BCAR3: variants seen among roughly 807,000 people sequenced by gnomAD.
BCAR3 encodes BCAR3 adaptor protein, NSP family member, also known as breast cancer anti-estrogen resistance protein 3.
Under a neutral mutation model 80.1 loss-of-function variants are expected in BCAR3, and 37 were observed. The observed-to-expected ratio is 0.46, with a 90% CI of 0.36 to 0.61. BCAR3 has a LOEUF of 0.61. Among genes scored for constraint, BCAR3 ranks in the 20% least tolerant of loss-of-function variants. The pLI, the probability that BCAR3 is intolerant of heterozygous loss-of-function variation, is 0.00. For missense variants in BCAR3, 978 were observed against 1,068.2 expected, an observed-to-expected ratio of 0.92 and a Z score of 1.18; for synonymous variants, 389 against 418.9, an observed-to-expected ratio of 0.93 and a Z score of 0.87.
At chr1:93,614,037 C>A in intron 3 of BCAR3, 1 of 1,475,254 alleles carries the variant, frequency 6.8e-7, no homozygotes, top group South Asian at 1.4e-5. Context: ...CTGTTTCTGC[C>A]CAGAAGTCAG....
intron 2 of BCAR3, among the ~76,000 whole-genome samples, chr1:93,715,629 C>G (rs1557663927): frequency 6.6e-6 from 1 of 152,166 alleles, no homozygotes; most frequent in Non-Finnish European, 1.5e-5. Flanking sequence ...TCAGAGCTGG[C>G]CCACAGCAGA....
intron 2 of BCAR3, among the ~76,000 whole-genome samples, chr1:93,651,862 C>G (rs960091549): frequency 6.6e-6 from 1 of 152,156 alleles, no homozygotes; most frequent in Non-Finnish European, 1.5e-5. Flanking sequence ...GGATGCCTCC[C>G]AAGCCCGTGT....
intron 2 of BCAR3, among the ~76,000 whole-genome samples, chr1:93,800,901 T>C (rs1653455147): frequency 6.6e-6 from 1 of 152,230 alleles, no homozygotes; most frequent in Non-Finnish European, 1.5e-5. Context: ...TGAGTATATA[T>C]CCCTATCATT....
At chr1:93,798,691 C>T (rs936391732) in intron 2 of BCAR3, among the ~76,000 whole-genome samples, 10 of 152,186 alleles carry the variant, frequency 6.6e-5, no homozygotes, top group African/African-American at 2.4e-4. Flanking sequence ...AAATTGCTCT[C>T]TATGATGTCT....
At chr1:93,749,601 A>AG (rs1352562104) in intron 2 of BCAR3, among the ~76,000 whole-genome samples, 3 of 151,894 alleles carry the variant, frequency 2.0e-5, no homozygotes, top group African/African-American at 7.2e-5. Flanking sequence ...AAAAAAAAAA[A>AG]AAAGAAAAGA....
At chr1:93,709,016 G>A (rs939230544) in intron 2 of BCAR3, among the ~76,000 whole-genome samples, 1 of 152,102 alleles carries the variant, frequency 6.6e-6, no homozygotes, top group Admixed American at 6.5e-5. Context: ...TTGCACATGT[G>A]AAGAGGCCAA....
chr1:93,674,855 C>A lies in BCAR3; in HGVS notation c.76G>T (p.Asp26Tyr). The A allele has an allele frequency of 6.3e-7, 1 of 1,599,840 alleles. No individual in the cohort carries two copies. Among genetic ancestry groups the A allele is most frequent in the African/African-American group, 1.4e-5 (1 of 73,986 alleles). ...NHQFPLASSM[D>Y]LLSSRSPLAE... is the part of the protein sequence containing the mutation. ...AGAGGGGACCTGCTGCTCAGAAGGT[C>A]CATGGATGAGGCCAGGGGGAACTGG... The change falls in exon 2 of 12, where the codon GAC (aspartate) becomes TAC (tyrosine). Residue 26 changes from aspartate (D) to tyrosine (Y), a missense_variant. By Grantham distance (160) the Asp-to-Tyr change is radical. Transcript: ENST00000260502.
chr1:93,699,457 G>A (rs1269899654), intron 3 of BCAR3, among the ~76,000 whole-genome samples: 1 of 152,098 alleles, frequency 6.6e-6, no homozygotes, highest in Non-Finnish European at 1.5e-5. Flanking sequence ...CCAACCTCGA[G>A]GATTTCTGTA....
intron 6 of BCAR3, among the ~76,000 whole-genome samples, chr1:93,583,783 A>G (rs1673824591): frequency 6.6e-6 from 1 of 152,208 alleles, no homozygotes; most frequent in African/African-American, 2.4e-5. Flanking sequence ...CTCAGCTGTG[A>G]AATGGCAATA....
At chr1:93,575,464 T>G (rs961060432) in intron 8 of BCAR3, among the ~76,000 whole-genome samples, 1 of 152,180 alleles carries the variant, frequency 6.6e-6, no homozygotes, top group African/African-American at 2.4e-5. Flanking sequence ...TGGCTTTTCA[T>G]GAGAAGAGGG....
At chr1:93,656,486 A>G (rs1647385196) in intron 2 of BCAR3, among the ~76,000 whole-genome samples, 1 of 151,900 alleles carries the variant, frequency 6.6e-6, no homozygotes, top group Non-Finnish European at 1.5e-5. Context: ...TCTAGAAATT[A>G]TAGTAGGTTC....
At chr1:93,709,028 TA>T (rs895789937) in intron 2 of BCAR3, among the ~76,000 whole-genome samples, 3 of 151,548 alleles carry the variant, frequency 2.0e-5, no homozygotes, top group East Asian at 1.9e-4. Flanking sequence ...AGAGGCCAAT[TA>T]AAAAAAAATC....
In BCAR3 at chr1:93,766,085, C is replaced by A. The variant is rs558929214; in HGVS notation, c.-62-59943G>T. Among the ~76,000 whole-genome samples the A allele has an allele frequency of 2.6e-5, 4 of 152,330 alleles. No individual in the cohort carries two copies. In the South Asian group the frequency reaches 8.3e-4, roughly 32 times the overall value. The stretch of plus-strand genomic sequence containing the variant: ...TTGTACCCTTTGACCATCATCTCCC[C>A]TTTCCCCTTCTGCCAATCGCTGGCA... On this transcript the variant is annotated intron_variant, in intron 2 of 13. Transcript: ENST00000370244.
At chr1:93,826,781 G>C (rs1654387648) in intron 2 of BCAR3, among the ~76,000 whole-genome samples, 1 of 152,150 alleles carries the variant, frequency 6.6e-6, no homozygotes, top group Non-Finnish European at 1.5e-5. Context: ...CATGGCTGGG[G>C]AGAGAGGTAG....
rs529067897 is a variant in BCAR3, at chr1:93,815,694, G to C, written c.-63+29873C>G. Among the ~76,000 whole-genome samples the C allele has an allele frequency of 3.3e-5, 5 of 152,250 alleles. No homozygotes were observed. The South Asian group carries it at 1.0e-3, about 32-fold the overall frequency. On this transcript the variant is annotated intron_variant, in intron 2 of 13. Coordinates refer to the BCAR3 transcript ENST00000370244. ...CTGCTGCACAGGCTTCTTCTGAAGG[G>C]AAAATGAAATAAAACATGGGAAAGG...
intron 3 of BCAR3, among the ~76,000 whole-genome samples, chr1:93,605,841 G>GA (rs1211001903): frequency 6.6e-6 from 1 of 152,182 alleles, no homozygotes; most frequent in Non-Finnish European, 1.5e-5. Flanking sequence ...CACCGTAGTT[G>GA]AAAGACACCC....
chr1:93,642,359 A>G lies in BCAR3; in HGVS notation c.318-16T>C. Reference sequence around the variant, plus strand: ...ATGTGGATCCCTGAAAAGAGAAAATATAAATATGAGAATGGTTGGGAACGA... The same window carrying G: ...ATGTGGATCCCTGAAAAGAGAAAATGTAAATATGAGAATGGTTGGGAACGA... On this transcript the variant is annotated splice_polypyrimidine_tract_variant and intron_variant, in intron 2 of 11. Transcript: ENST00000260502. 3 of 1,608,352 alleles carry G rather than the reference A, an allele frequency of 1.9e-6. No homozygotes were observed. The highest frequency in any genetic ancestry group is 1.1e-5 in the South Asian group (1 of 90,960).
rs777982331 is a variant in BCAR3 at position 93,592,552 on chromosome 1, G to A, written c.358-159C>T. On this transcript the variant is annotated intron_variant, in intron 3 of 11. Transcript: ENST00000260502. This position sits in a 1 kb window ranked among gnomAD's most constrained non-coding sequence, Gnocchi z 4.8. ...TGATTACAAAGAGCTGTGACCTTTC[G>A]TTTCTCCGGCCGCAACCATGTAATA... 1.4e-5 allele frequency: 14 copies of A among 1,011,254 alleles called. No homozygotes were observed. Among genetic ancestry groups the A allele is most frequent in the Non-Finnish European group, 1.8e-5 (13 of 719,210 alleles). The allele number at this position is 1,011,254 out of a possible 1,614,324, so 62.6% of individuals were successfully genotyped here.
chr1:93,756,491 T>C (rs1010080682), intron 2 of BCAR3, among the ~76,000 whole-genome samples: 3 of 152,250 alleles, frequency 2.0e-5, no homozygotes, highest in African/African-American at 7.2e-5. Context: ...CTTTATGTTA[T>C]ACAAGTTCTT....
Sources: allele counts gnomAD v4.1 joint callset (sites outside exome capture counted in the v4.1 genomes callset), GRCh38; gene constraint gnomAD v4.1.1; non-coding constraint Gnocchi (gnomAD v3.1); transcripts MANE v1.5; gene names NCBI Gene and HGNC (gene_info 2026-07-23, HGNC 2026-07-21).